Variants in RUFY1 observed in about 807,000 individuals in gnomAD.
The protein encoded by RUFY1 is RUN and FYVE domain-containing protein 1.
In RUFY1, 54 loss-of-function variants were observed where a neutral mutation model predicts 94.6. That is an observed-to-expected ratio of 0.57 (90% CI 0.46 to 0.72). The LOEUF (loss-of-function observed/expected upper bound fraction) is 0.72, where lower values mean the gene tolerates loss of function less well. Ranked by LOEUF, RUFY1 falls within the 30% of genes least tolerant of loss-of-function variation. RUFY1 has a pLI of 0.00. For missense variants in RUFY1, 883 were observed against 883.9 expected, an observed-to-expected ratio of 1.00 and a Z score of 0.01; for synonymous variants, 396 against 347.3, an observed-to-expected ratio of 1.14 and a Z score of -1.56.
chr5:179,596,847 T>C (rs886630332), intron 13 of RUFY1, 166 bp downstream of exon 13: 2 of 908,224 alleles, frequency 2.2e-6, no homozygotes, highest in Middle Eastern at 3.5e-4. Flanking sequence ...ATGTTATCCC[T>C]AGGGAGCTCC....
intron 5 of RUFY1, chr5:179,572,381 GGGTGGACTTAGTT>G (rs1352605843): frequency 1.5e-5 from 3 of 203,518 alleles, no homozygotes; most frequent in Non-Finnish European, 3.1e-5. Context: ...CTGGGTGTCT[GGGTGGACTTAGTT>G]CACCCACCTG....
chr5:179,600,223 C>A (rs1016713503), intron 14 of RUFY1: 4 of 152,388 alleles, frequency 2.6e-5, no homozygotes, highest in Non-Finnish European at 1.5e-5. Context: ...GCAGAAGCTA[C>A]GGCACAGGGT....
chr5:179,579,714 A>AGT (rs1763964190), intron 6 of RUFY1, among the ~76,000 whole-genome samples: 1 of 119,452 alleles, frequency 8.4e-6, no homozygotes, highest in Admixed American at 1.2e-4. Flanking sequence ...CCCAGGCTGG[A>AGT]GTGCAGTGGC....
intron 3 of RUFY1, among the ~76,000 whole-genome samples, chr5:179,563,193 A>G (rs190416293): frequency 1.3e-5 from 2 of 152,290 alleles, no homozygotes; most frequent in East Asian, 3.9e-4. Context: ...GAGCCAATGC[A>G]AAAGAACCCT....
chr5:179,584,628 C>G (rs987904672), intron 7 of RUFY1, among the ~76,000 whole-genome samples: 2 of 151,766 alleles, frequency 1.3e-5, no homozygotes, highest in South Asian at 4.2e-4. Flanking sequence ...CAAAAAAATA[C>G]AAAAATTAGC....
intron 1 of RUFY1, among the ~76,000 whole-genome samples, chr5:179,552,040 C>T (rs969782237): frequency 6.6e-6 from 1 of 151,002 alleles, no homozygotes; most frequent in African/African-American, 2.4e-5. Flanking sequence ...TGGCATGCAC[C>T]TGTAGTCCCA....
chr5:179,559,818 C>G lies in RUFY1; in HGVS notation c.311-207C>G, dbSNP rs1762299468. 13 of 1,332,186 alleles carry G rather than the reference C, an allele frequency of 9.8e-6. No homozygotes were observed. The South Asian group carries it at 2.3e-4, about 24-fold the overall frequency. 82.5% of individuals were successfully genotyped at this position (1,332,186 alleles called of 1,614,324 possible). On this transcript the variant is annotated intron_variant, in intron 1 of 17. Transcript: ENST00000319449. Reference sequence around the variant, plus strand: ...AGGAGGCCCAGTGGCTCTTCTGACCCAAGGCCCCGCCGTCCAGGTAGGGGG... The same window carrying G: ...AGGAGGCCCAGTGGCTCTTCTGACCGAAGGCCCCGCCGTCCAGGTAGGGGG...
Position 179,550,645 on chromosome 5 carries a change from C to A in RUFY1, c.76C>A (p.Pro26Thr). 3 of 1,423,152 alleles carry A rather than the reference C, an allele frequency of 2.1e-6. No individual in the cohort carries two copies. Among genetic ancestry groups the A allele is most frequent in the African/African-American group, 1.9e-5 (1 of 53,280 alleles). The allele number at this position is 1,423,152 out of a possible 1,614,324, so 88.2% of individuals were successfully genotyped here. A position where few individuals can be genotyped will look rare whatever the true frequency, so the allele number is the denominator to read the frequency against. The change falls in exon 1 of 18, where the codon CCC (proline) becomes ACC (threonine). Residue 26 changes from proline (P) to threonine (T), a missense_variant. Pro to Thr is a conservative substitution (Grantham distance 38). Coordinates refer to ENST00000319449, the MANE Select transcript of RUFY1 (RefSeq NM_025158.5). ...GCCGGAGCTGGAGCCGGGGCCGGGG[C>A]CCGGGTCAGCGCTTGAGCCGGGAGA... is the stretch of plus-strand genomic sequence containing the variant. ...LEPELEPGPGPGSALEPGEEF... is the reference protein window; with the variant it reads ...LEPELEPGPGTGSALEPGEEF...
chr5:179,585,773 C>T (rs1213859247), intron 7 of RUFY1, 23 bp from the exon 8 acceptor site: 2 of 1,560,958 alleles, frequency 1.3e-6, no homozygotes, highest in Non-Finnish European at 1.8e-6. Flanking sequence ...TTTATGTTTA[C>T]TTAATATTCT....
chr5:179,593,154 C>G (rs1223850126), intron 10 of RUFY1, among the ~76,000 whole-genome samples: 1 of 152,212 alleles, frequency 6.6e-6, no homozygotes, highest in Non-Finnish European at 1.5e-5. Context: ...CGGCTCACTG[C>G]AGCCTCCGCC....
chr5:179,591,387 T>C (rs1003559240), intron 9 of RUFY1, among the ~76,000 whole-genome samples: 2 of 151,268 alleles, frequency 1.3e-5, no homozygotes, highest in Non-Finnish European at 2.9e-5. Context: ...GGTTTCACCA[T>C]GTTAGCCAGG....
chr5:179,579,663 T>C (rs77195078), intron 6 of RUFY1, among the ~76,000 whole-genome samples: 6 of 58,988 alleles, frequency 1.0e-4, no homozygotes, highest in African/African-American at 1.5e-4. Context: ...TCTTCTTTTT[T>C]TTTTTTTTTT....
At chr5:179,605,994 A>T (rs1767040987) in intron 16 of RUFY1, 70 bp downstream of exon 16, 2 of 1,038,854 alleles carry the variant, frequency 1.9e-6, no homozygotes, top group Non-Finnish European at 3.0e-6. Context: ...CGTACGTTTA[A>T]GTATCCCAAC....
intron 15 of RUFY1, chr5:179,602,212 C>T (rs1261100245): frequency 7.4e-6 from 4 of 538,176 alleles, no homozygotes; most frequent in East Asian, 3.0e-5. Flanking sequence ...ATTCAGGAAG[C>T]ACGTTCATTC....
chr5:179,560,751 GAAA>G (rs1177705458), intron 2 of RUFY1, among the ~76,000 whole-genome samples: 1 of 144,246 alleles, frequency 6.9e-6, no homozygotes, highest in African/African-American at 2.5e-5. Flanking sequence ...AAAGAAAAAA[GAAA>G]AAAAAGTGTT....
intron 17 of RUFY1, among the ~76,000 whole-genome samples, 177 bp from the exon 18 acceptor site, chr5:179,609,197 ACT>A (rs375803904): frequency 0.11 from 11,516 of 106,106 alleles, 574 homozygotes; most frequent in Middle Eastern, 0.15. Flanking sequence ...ACTGAGCAAG[ACT>A]CTATCTCAAA....
intron 15 of RUFY1, among the ~76,000 whole-genome samples, chr5:179,605,220 A>C (rs972990216): frequency 2.0e-5 from 3 of 150,758 alleles, no homozygotes; most frequent in African/African-American, 7.3e-5. Context: ...TCAAGGTTGC[A>C]GTGAGCCATG....
At chr5:179,561,827 C>T (rs1356354269) in intron 2 of RUFY1, among the ~76,000 whole-genome samples, 10 of 150,720 alleles carry the variant, frequency 6.6e-5, no homozygotes, top group East Asian at 4.0e-4. Context: ...GGACTACAGA[C>T]GCCCACCACC....
At chr5:179,569,542 AGGACCCCAG>A in intron 5 of RUFY1, 117 bp downstream of exon 5, 1 of 996,964 alleles carries the variant, frequency 1.0e-6, no homozygotes. Context: ...CCACTGGTAG[AGGACCCCAG>A]GGATGCAGCT....
Sources: allele counts gnomAD v4.1 joint callset (sites outside exome capture counted in the v4.1 genomes callset), GRCh38; gene constraint gnomAD v4.1.1; transcripts MANE v1.5; gene names NCBI Gene and HGNC (gene_info 2026-07-23, HGNC 2026-07-21).